The following AFG1L variants were observed in gnomAD, a reference collection of about 807,000 sequenced individuals.
The protein encoded by AFG1L is AFG1 like ATPase.
A neutral mutation model predicts 62.2 loss-of-function variants in AFG1L; 53 were observed. The observed-to-expected ratio is 0.85, with a 90% CI of 0.68 to 1.07. The LOEUF (loss-of-function observed/expected upper bound fraction) is 1.07, where lower values mean the gene tolerates loss of function less well. AFG1L is among the 50% of genes least tolerant of loss of function. The pLI is 0.00. For missense variants in AFG1L, 555 were observed against 590.5 expected, an observed-to-expected ratio of 0.94 and a Z score of 0.62; for synonymous variants, 228 against 210.3, an observed-to-expected ratio of 1.08 and a Z score of -0.73.
intron 6 of AFG1L, among the ~76,000 whole-genome samples, chr6:108,385,568 T>C (rs1780725591): frequency 6.6e-6 from 1 of 152,204 alleles, no homozygotes; most frequent in African/African-American, 2.4e-5. Context: ...GGTAAATCTC[T>C]GTTCGAGGCT....
At chr6:108,522,051 G>A in intron 12 of AFG1L, 1 of 285,230 alleles carries the variant, frequency 3.5e-6, no homozygotes, top group Non-Finnish European at 6.8e-6. Context: ...TATTTCTGGT[G>A]TACACTTTTG....
At chr6:108,515,632 G>T (rs1478613693) in intron 11 of AFG1L, among the ~76,000 whole-genome samples, 5 of 152,016 alleles carry the variant, frequency 3.3e-5, no homozygotes, top group Non-Finnish European at 7.4e-5. Flanking sequence ...CTAGCAGAAG[G>T]CAAGAAGTAA....
intron 8 of AFG1L, among the ~76,000 whole-genome samples, chr6:108,459,624 A>G (rs570872951): frequency 1.3e-5 from 2 of 152,346 alleles, no homozygotes; most frequent in East Asian, 3.9e-4. Flanking sequence ...TAACTGATCC[A>G]TAGTATAACA....
intron 6 of AFG1L, among the ~76,000 whole-genome samples, chr6:108,374,997 A>C (rs540076599): frequency 6.6e-6 from 1 of 151,930 alleles, no homozygotes; most frequent in Non-Finnish European, 1.5e-5. Context: ...TGTGTCGTCT[A>C]TGTCTTTTAG....
chr6:108,454,751 C>T (rs1772186688), intron 8 of AFG1L, among the ~76,000 whole-genome samples: 1 of 152,160 alleles, frequency 6.6e-6, no homozygotes, highest in Non-Finnish European at 1.5e-5. Context: ...CTCCCAGGTT[C>T]GAGCAATTCT....
At chr6:108,474,159 T>A (rs1773021651) in intron 8 of AFG1L, among the ~76,000 whole-genome samples, 1 of 152,178 alleles carries the variant, frequency 6.6e-6, no homozygotes, top group African/African-American at 2.4e-5. Context: ...CCTGTGTTAG[T>A]TTGCTGAGGA....
Position 108,302,677 on chromosome 6 carries a change from A to G in AFG1L, c.139+7459A>G, listed in dbSNP as rs187012737. Among the ~76,000 whole-genome samples, 45 of 152,302 alleles carry G rather than the reference A, an allele frequency of 3.0e-4. No individual in the cohort carries two copies. The East Asian group carries it at 5.8e-3, about 20-fold the overall frequency. ...CAAAGGAGCTTTTATTGGCGCTATA[A>G]GTCAAGTTTGATTCCTTAAAGGAAA... On this transcript the variant is annotated intron_variant, in intron 1 of 12. Transcript: ENST00000368977.
At chr6:108,417,545 A>G (rs767931814) in intron 7 of AFG1L, among the ~76,000 whole-genome samples, 1 of 152,174 alleles carries the variant, frequency 6.6e-6, no homozygotes, top group African/African-American at 2.4e-5. Flanking sequence ...TAATTTTCAT[A>G]AAATAACTGT....
chr6:108,462,939 T>C (rs888707830), intron 8 of AFG1L, among the ~76,000 whole-genome samples: 13 of 152,174 alleles, frequency 8.5e-5, no homozygotes, highest in African/African-American at 3.1e-4. Flanking sequence ...GAAAAGCTGA[T>C]CTGGCAAAAA....
At chr6:108,459,431 T>A (rs1772372528) in intron 8 of AFG1L, among the ~76,000 whole-genome samples, 1 of 152,216 alleles carries the variant, frequency 6.6e-6, no homozygotes, top group South Asian at 2.1e-4. Flanking sequence ...TGCTTTTTGT[T>A]ATCCAGTGTC....
At chr6:108,382,658 A>T (rs1780599171) in intron 6 of AFG1L, among the ~76,000 whole-genome samples, 1 of 152,234 alleles carries the variant, frequency 6.6e-6, no homozygotes, top group African/African-American at 2.4e-5. Flanking sequence ...TATGTATCTT[A>T]GTTAAAAAGT....
At chr6:108,404,449 C>A (rs1234862355) in intron 7 of AFG1L, among the ~76,000 whole-genome samples, 1 of 151,870 alleles carries the variant, frequency 6.6e-6, no homozygotes, top group South Asian at 2.1e-4. Flanking sequence ...GCTTTATGGC[C>A]CAACATGTGG....
chr6:108,421,639 T>C (rs564065629), intron 7 of AFG1L, among the ~76,000 whole-genome samples: 1 of 152,184 alleles, frequency 6.6e-6, no homozygotes, highest in African/African-American at 2.4e-5. Context: ...ACCCCCCCTG[T>C]CTGCTTTAGA....
chr6:108,363,429 G>A (rs565566427), intron 5 of AFG1L, among the ~76,000 whole-genome samples: 11 of 151,976 alleles, frequency 7.2e-5, no homozygotes, highest in African/African-American at 1.4e-4. Context: ...TTAGATACAC[G>A]ATTCTTACCT....
At chr6:108,347,927 G>A (rs1054308146) in intron 3 of AFG1L, among the ~76,000 whole-genome samples, 6 of 151,692 alleles carry the variant, frequency 4.0e-5, no homozygotes, top group Non-Finnish European at 5.9e-5. Context: ...GTCAGTTTTG[G>A]ACCTAGACTA....
Position 108,371,310 on chromosome 6 carries a change from C to T in AFG1L, c.748+4978C>T, listed in dbSNP as rs1779992888. On this transcript the variant is annotated intron_variant, in intron 6 of 12. Coordinates refer to ENST00000368977, the MANE Select transcript of AFG1L (RefSeq NM_145315.5). ...AAACTAAACAGGCTGGGTGTAATGG[C>T]TCATGCTTACAATCCCAGCTTTTTG... 2.6e-5 allele frequency among the ~76,000 whole-genome samples: 4 copies of T among 152,124 alleles called. No homozygotes were observed. In the South Asian group the frequency reaches 8.3e-4, roughly 32 times the overall value.
intron 10 of AFG1L, among the ~76,000 whole-genome samples, chr6:108,478,726 G>A (rs976999004): frequency 6.6e-6 from 1 of 152,154 alleles, no homozygotes; most frequent in Non-Finnish European, 1.5e-5. Context: ...AGAGGGGAAC[G>A]GGAAAAGACA....
At chr6:108,490,702 A>G (rs192729659) in intron 10 of AFG1L, among the ~76,000 whole-genome samples, 2 of 152,234 alleles carry the variant, frequency 1.3e-5, no homozygotes, top group Admixed American at 1.3e-4. Flanking sequence ...GCACTTCTTA[A>G]TCTCCCCCTT....
chr6:108,415,319 A>G (rs1770191717), intron 7 of AFG1L, among the ~76,000 whole-genome samples: 1 of 152,232 alleles, frequency 6.6e-6, no homozygotes, highest in South Asian at 2.1e-4. Flanking sequence ...GATAGGAAGA[A>G]TCAATATCGT....
Sources: allele counts gnomAD v4.1 joint callset (sites outside exome capture counted in the v4.1 genomes callset), GRCh38; gene constraint gnomAD v4.1.1; transcripts MANE v1.5; gene names NCBI Gene and HGNC (gene_info 2026-07-23, HGNC 2026-07-21).